FAM171B: variants seen among roughly 807,000 people sequenced by gnomAD.
FAM171B encodes the protein family with sequence similarity 171 member B.
FAM171B carries 19 observed loss-of-function variants against 75.6 expected under a neutral mutation model. That is an observed-to-expected ratio of 0.25 (90% CI 0.18 to 0.37). The LOEUF is 0.37. FAM171B is among the 10% of genes least tolerant of loss of function. The pLI, the probability that FAM171B is intolerant of heterozygous loss-of-function variation, is 1.00. For missense variants in FAM171B, 848 were observed against 982.4 expected (o/e 0.86, Z 1.83); for synonymous variants, 367 against 361.7 (o/e 1.01, Z -0.17).
At position 186,694,442 on chromosome 2, in the gene FAM171B, A is replaced by C. The variant is rs760343403; in HGVS notation, c.238+31A>C. 3 of 1,593,348 alleles carry C rather than the reference A, an allele frequency of 1.9e-6. No individual in the cohort carries two copies. The South Asian group carries it at 3.4e-5, about 18-fold the overall frequency. ...TCCTGGCTGCCCAGCCCGGTCTTTC[A>C]GTCTCGGCCGGCGATCTCTTAGGGC... is the stretch of plus-strand genomic sequence containing the variant. On this transcript the variant is annotated intron_variant, in intron 1 of 7. Coordinates refer to ENST00000304698, the MANE Select transcript of FAM171B (RefSeq NM_177454.4).
intron 6 of FAM171B, among the ~76,000 whole-genome samples, chr2:186,759,982 G>A (rs1435402184): frequency 6.6e-6 from 1 of 151,998 alleles, no homozygotes; most frequent in Non-Finnish European, 1.5e-5. Flanking sequence ...AGATAAGAGT[G>A]TAGTTTCATT....
At chr2:186,711,006 G>A (rs1270860034) in intron 1 of FAM171B, among the ~76,000 whole-genome samples, 2 of 151,960 alleles carry the variant, frequency 1.3e-5, no homozygotes, top group East Asian at 1.9e-4. Flanking sequence ...AATTTTCAGT[G>A]TACAAGTCAT....
intron 4 of FAM171B, 42 bp downstream of exon 4, chr2:186,747,292 A>C: frequency 1.5e-6 from 2 of 1,353,112 alleles, no homozygotes; most frequent in Non-Finnish European, 2.0e-6. Flanking sequence ...AAGAAACATT[A>C]GTACACAAAT....
rs143285849 is a variant in FAM171B, at chr2:186,697,949, A to T, written c.238+3538A>T. On this transcript the variant is annotated intron_variant, in intron 1 of 7. Coordinates refer to ENST00000304698, the MANE Select transcript of FAM171B (RefSeq NM_177454.4). ...TTTCCATTTTCTCATTAACTTATAA[A>T]AACTCCATCTTCAGAGAGCAGTGAA... Among the ~76,000 whole-genome samples the T allele has an allele frequency of 6.7e-3, 1,017 of 152,318 alleles. 3 individuals carry two copies. Among genetic ancestry groups the T allele is most frequent in the Non-Finnish European group, 0.011 (738 of 68,018 alleles).
chr2:186,749,950 G>A (rs1690425391), intron 4 of FAM171B, among the ~76,000 whole-genome samples: 1 of 151,204 alleles, frequency 6.6e-6, no homozygotes, highest in South Asian at 2.1e-4. Flanking sequence ...AAATACATGG[G>A]GGCAAAAAAG....
intron 1 of FAM171B, among the ~76,000 whole-genome samples, chr2:186,735,609 A>G (rs913767834): frequency 1.3e-5 from 2 of 152,286 alleles, no homozygotes; most frequent in African/African-American, 2.4e-5. Context: ...ATGTCTCTCA[A>G]TGCTAGCCCA....
In FAM171B at chr2:186,694,081, G is replaced by A; in HGVS notation, c.-93G>A. The A allele has an allele frequency of 1.5e-6, 2 of 1,374,244 alleles. No individual in the cohort carries two copies. The highest frequency in any genetic ancestry group is 1.9e-6 in the Non-Finnish European group (2 of 1,069,502). The allele number at this position is 1,374,244 out of a possible 1,614,324, so 85.1% of individuals were successfully genotyped here. A position where few individuals can be genotyped will look rare whatever the true frequency, so the allele number is the denominator to read the frequency against. ...CTTGGCAGATTGCGCGAGGGGGAGCGAGCGAGCGGGCGCTGCCAGGAGCCC... is the reference window on the plus strand; with the variant it reads ...CTTGGCAGATTGCGCGAGGGGGAGCAAGCGAGCGGGCGCTGCCAGGAGCCC... On this transcript the variant is annotated 5_prime_UTR_variant, in exon 1 of 8. Transcript: ENST00000304698.
intron 1 of FAM171B, among the ~76,000 whole-genome samples, chr2:186,731,499 T>TTC (rs1299341055): frequency 7.9e-5 from 12 of 152,324 alleles, no homozygotes; most frequent in African/African-American, 2.9e-4. Context: ...TGCTAGTGGC[T>TTC]CGGTAAATTT....
chr2:186,753,706 C>T (rs184445861), intron 5 of FAM171B, among the ~76,000 whole-genome samples: 2 of 152,282 alleles, frequency 1.3e-5, no homozygotes, highest in African/African-American at 4.8e-5. Context: ...AGCCACCGCA[C>T]CTGGCCATCC....
rs534721762 is a variant in FAM171B at position 186,759,021 on chromosome 2, C to T, written c.1013-2092C>T. On this transcript the variant is annotated intron_variant, in intron 6 of 7. Coordinates refer to ENST00000304698, the MANE Select transcript of FAM171B (RefSeq NM_177454.4). ...AATTTCCAGCTGTTTCAATGTTTAG[C>T]TCCCACAAAGGAATGAGAACATGCA... 2.0e-5 allele frequency among the ~76,000 whole-genome samples: 3 copies of T among 152,180 alleles called. No homozygotes were observed. The East Asian group carries it at 5.8e-4, about 29-fold the overall frequency.
At chr2:186,716,741 T>G (rs542223914) in intron 1 of FAM171B, among the ~76,000 whole-genome samples, 2 of 152,318 alleles carry the variant, frequency 1.3e-5, no homozygotes, top group East Asian at 3.9e-4. Context: ...ATTTTCAACA[T>G]TTCTAGGTCT....
chr2:186,745,880 T>A lies in FAM171B; in HGVS notation c.566-1212T>A, dbSNP rs562555817. Among the ~76,000 whole-genome samples the A allele has an allele frequency of 1.1e-4, 16 of 152,344 alleles. No homozygotes were observed. The South Asian group carries it at 3.3e-3, about 32-fold the overall frequency. Reference sequence around the variant, plus strand: ...GATCAGAAGGCTTTAGATTGTATCCTCAACAACCAAACAGCATATAATTAT... The same window carrying A: ...GATCAGAAGGCTTTAGATTGTATCCACAACAACCAAACAGCATATAATTAT... On this transcript the variant is annotated intron_variant, in intron 3 of 7. Transcript: ENST00000304698.
At chr2:186,724,769 G>A (rs1690006861) in intron 1 of FAM171B, among the ~76,000 whole-genome samples, 1 of 152,152 alleles carries the variant, frequency 6.6e-6, no homozygotes, top group African/African-American at 2.4e-5. Context: ...GTGAGAGCGT[G>A]CCTGGAGTGT....
intron 5 of FAM171B, among the ~76,000 whole-genome samples, chr2:186,752,562 T>C (rs1053658375): frequency 2.6e-5 from 4 of 152,128 alleles, no homozygotes; most frequent in African/African-American, 9.7e-5. Flanking sequence ...ATTTGTTGAA[T>C]GAGGAAGTCG....
chr2:186,748,311 T>C (rs79569606), intron 4 of FAM171B, among the ~76,000 whole-genome samples: 1 of 100,378 alleles, frequency 1.0e-5, no homozygotes, highest in Non-Finnish European at 2.3e-5. Context: ...TGATAGTTTC[T>C]TTTTTTTTTT....
At chr2:186,752,820 C>A (rs1690475792) in intron 5 of FAM171B, among the ~76,000 whole-genome samples, 2 of 152,116 alleles carry the variant, frequency 1.3e-5, no homozygotes, top group Admixed American at 1.3e-4. Context: ...AATCAATAAA[C>A]CATAATACAA....
chr2:186,762,540 C>T lies in FAM171B; in HGVS notation c.2198C>T (p.Pro733Leu). The T allele has an allele frequency of 1.2e-6, 2 of 1,613,410 alleles. No individual in the cohort carries two copies. The highest frequency in any genetic ancestry group is 1.7e-6 in the Non-Finnish European group (2 of 1,179,702). Reference protein sequence around the residue: ...EKTFIKSMHQPKILYLEDLDL... With the variant: ...EKTFIKSMHQLKILYLEDLDL... ...ACATTCATCAAAAGCATGCATCAGC[C>T]CAAGATCCTTTACTTAGAAGATTTA... Residue 733 changes from proline (P) to leucine (L), a missense_variant, in exon 8 of 8, where the codon CCC becomes CTC. Transcript: ENST00000304698. This position sits in a 1 kb window ranked among gnomAD's most constrained non-coding sequence, Gnocchi z 4.0.
intron 1 of FAM171B, among the ~76,000 whole-genome samples, chr2:186,708,020 A>G (rs1689757208): frequency 6.6e-6 from 1 of 152,004 alleles, no homozygotes; most frequent in East Asian, 1.9e-4. Context: ...GCCAGGTACA[A>G]TAATTGCTTT....
intron 3 of FAM171B, among the ~76,000 whole-genome samples, chr2:186,745,441 A>G (rs1478317010): frequency 6.6e-6 from 1 of 152,180 alleles, no homozygotes; most frequent in Non-Finnish European, 1.5e-5. Flanking sequence ...ATTTGTCTGG[A>G]AAGTACTGGC....
Sources: allele counts gnomAD v4.1 joint callset (sites outside exome capture counted in the v4.1 genomes callset), GRCh38; gene constraint gnomAD v4.1.1; non-coding constraint Gnocchi (gnomAD v3.1); transcripts MANE v1.5; gene names NCBI Gene and HGNC (gene_info 2026-07-23, HGNC 2026-07-21).